DSCAM: variants seen among roughly 807,000 people sequenced by gnomAD.
DSCAM encodes the protein DS cell adhesion molecule.
DSCAM carries 47 observed loss-of-function variants against 217.7 expected under a neutral mutation model. That is an observed-to-expected ratio of 0.22 (90% CI 0.17 to 0.28). The LOEUF (loss-of-function observed/expected upper bound fraction) is 0.28, where lower values mean the gene tolerates loss of function less well. Among genes scored for constraint, DSCAM ranks in the 10% least tolerant of loss-of-function variants. The pLI, the probability that DSCAM is intolerant of heterozygous loss-of-function variation, is 1.00. For missense variants in DSCAM, 2,080 were observed against 2,618.3 expected (o/e 0.79, Z 4.49); for synonymous variants, 1,056 against 1,015.3 (o/e 1.04, Z -0.76).
intron 24 of DSCAM, among the ~76,000 whole-genome samples, chr21:40,083,350 A>T (rs1472075204): frequency 6.6e-6 from 1 of 152,166 alleles, no homozygotes; most frequent in Non-Finnish European, 1.5e-5. Flanking sequence ...AATCACTTCA[A>T]CTCGACAGGC....
In DSCAM at chr21:40,149,015, C is replaced by T. The variant is rs565931885; in HGVS notation, c.3019-4284G>A. Among the ~76,000 whole-genome samples, 107 of 152,206 alleles carry T rather than the reference C, an allele frequency of 7.0e-4. 4 individuals are homozygous for T. In the South Asian group the frequency reaches 0.017, roughly 24 times the overall value. On this transcript the variant is annotated intron_variant, in intron 16 of 32. Transcript: ENST00000400454. ...TCACTGTCACTAAAAAGATGCTTCA[C>T]TTTATCACTATCCCAAAACCAACAA... is the stretch of plus-strand genomic sequence containing the variant.
At chr21:40,637,468 T>C (rs1171201868) in intron 3 of DSCAM, among the ~76,000 whole-genome samples, 352 of 29,260 alleles carry the variant, frequency 0.012, 91 homozygotes, top group African/African-American at 0.042. Flanking sequence ...CAAATATATA[T>C]AAATATATAT....
chr21:40,324,251 AG>A (rs1313534044), intron 8 of DSCAM, among the ~76,000 whole-genome samples: 1 of 151,882 alleles, frequency 6.6e-6, no homozygotes, highest in Non-Finnish European at 1.5e-5. Context: ...AAAATGTTTT[AG>A]GAACAAGAAA....
At chr21:40,244,394 T>C (rs769719321) in intron 11 of DSCAM, among the ~76,000 whole-genome samples, 2 of 148,830 alleles carry the variant, frequency 1.3e-5, no homozygotes, top group African/African-American at 2.5e-5. Flanking sequence ...GAGGTTTCAG[T>C]GAGCCCAGAT....
chr21:40,810,382 T>A (rs2091827609), intron 1 of DSCAM, among the ~76,000 whole-genome samples: 1 of 152,196 alleles, frequency 6.6e-6, no homozygotes, highest in Non-Finnish European at 1.5e-5. Flanking sequence ...AGAAGTCATG[T>A]AAAAAGAGAT....
intron 2 of DSCAM, among the ~76,000 whole-genome samples, chr21:40,702,360 C>G (rs1294477816): frequency 6.6e-6 from 1 of 152,136 alleles, no homozygotes; most frequent in Non-Finnish European, 1.5e-5. Context: ...ATGTATCACA[C>G]TAATGCAAGA....
intron 11 of DSCAM, among the ~76,000 whole-genome samples, chr21:40,198,373 A>G (rs757185754): frequency 6.6e-6 from 1 of 151,698 alleles, no homozygotes; most frequent in Non-Finnish European, 1.5e-5. Context: ...ACCCTCCCTA[A>G]CTCCCAGTAA....
intron 3 of DSCAM, among the ~76,000 whole-genome samples, chr21:40,488,274 C>T (rs1400391909): frequency 3.3e-5 from 5 of 152,178 alleles, no homozygotes; most frequent in Admixed American, 6.5e-5. Flanking sequence ...TTTCTGCTTC[C>T]GCAGCAAGGG....
intron 20 of DSCAM, among the ~76,000 whole-genome samples, chr21:40,102,357 T>A (rs374428527): frequency 2.6e-5 from 4 of 152,206 alleles, no homozygotes; most frequent in East Asian, 1.9e-4. Flanking sequence ...ATAAATCTTG[T>A]GACACCCAAG....
In DSCAM at chr21:40,183,590, T is replaced by C. The variant is rs1002852802; in HGVS notation, c.2779+3541A>G. The stretch of plus-strand genomic sequence containing the variant: ...TTGTCAAATCCTGGGAGGACTGTCA[T>C]TTGGCCAAAGGGTTAAGAGGTGGGA... On this transcript the variant is annotated intron_variant, in intron 14 of 32. Transcript: ENST00000400454. 7.9e-5 allele frequency among the ~76,000 whole-genome samples: 12 copies of C among 152,176 alleles called. No individual in the cohort carries two copies. In the East Asian group the frequency reaches 1.9e-3, roughly 24 times the overall value.
intron 11 of DSCAM, 22 bp downstream of exon 11, chr21:40,276,075 C>A: frequency 1.3e-6 from 2 of 1,536,240 alleles, no homozygotes; most frequent in Non-Finnish European, 1.8e-6. Context: ...CTAGGTAAAA[C>A]GAAGCATTTC....
At chr21:40,377,168 G>T (rs2074972023) in intron 3 of DSCAM, among the ~76,000 whole-genome samples, 1 of 152,154 alleles carries the variant, frequency 6.6e-6, no homozygotes, top group African/African-American at 2.4e-5. Context: ...GACACATTTA[G>T]TTCTTACAAT....
intron 28 of DSCAM, among the ~76,000 whole-genome samples, chr21:40,061,749 G>C (rs1166717045): frequency 1.3e-5 from 2 of 152,038 alleles, no homozygotes; most frequent in Admixed American, 6.6e-5. Flanking sequence ...ATGGAACATG[G>C]GAAGTTTTTA....
chr21:40,170,244 A>T (rs1200423210), intron 15 of DSCAM, among the ~76,000 whole-genome samples: 1 of 152,134 alleles, frequency 6.6e-6, no homozygotes, highest in African/African-American at 2.4e-5. Context: ...ACACCTGCCT[A>T]GGCCTGGGGA....
chr21:40,026,543 A>T (rs9983569), intron 32 of DSCAM, among the ~76,000 whole-genome samples: 82,790 of 111,730 alleles, frequency 0.74, 28,674 homozygotes, highest in Admixed American at 0.78. Flanking sequence ...TTGCTTTATG[A>T]ATCTGGGTGC....
At chr21:40,327,947 G>A (rs1287861464) in intron 8 of DSCAM, among the ~76,000 whole-genome samples, 1 of 152,006 alleles carries the variant, frequency 6.6e-6, no homozygotes, top group Non-Finnish European at 1.5e-5. Context: ...GGAGGTGAAA[G>A]ATCTCTACAG....
At chr21:40,579,193 A>G (rs1219664694) in intron 3 of DSCAM, among the ~76,000 whole-genome samples, 1 of 152,144 alleles carries the variant, frequency 6.6e-6, no homozygotes, top group Non-Finnish European at 1.5e-5. Flanking sequence ...TTTTTGGATC[A>G]TCTGAAAGCA....
At chr21:40,616,635 G>A (rs373657913) in intron 3 of DSCAM, among the ~76,000 whole-genome samples, 18 of 152,162 alleles carry the variant, frequency 1.2e-4, no homozygotes, top group African/African-American at 4.1e-4. Context: ...TTTCCTTGCT[G>A]ATGCCACTGC....
chr21:40,591,310 T>C lies in DSCAM; in HGVS notation c.508+101500A>G, dbSNP rs544375496. On this transcript the variant is annotated intron_variant, in intron 3 of 32. Transcript: ENST00000400454. ...CAGAATAATACACTTATAAACAACA[T>C]AAATATTTTTCCTCATAGTTCAGGA... Among the ~76,000 whole-genome samples, 17 of 152,238 alleles carry C rather than the reference T, an allele frequency of 1.1e-4. No homozygotes were observed. The South Asian group carries it at 3.5e-3, about 32-fold the overall frequency.
Sources: allele counts gnomAD v4.1 joint callset (sites outside exome capture counted in the v4.1 genomes callset), GRCh38; gene constraint gnomAD v4.1.1; transcripts MANE v1.5; gene names NCBI Gene and HGNC (gene_info 2026-07-23, HGNC 2026-07-21).